Variants in SEC24D observed in about 807,000 individuals in gnomAD.
SEC24D encodes SEC24 homolog D, COPII component.
SEC24D carries 69 observed loss-of-function variants against 116.9 expected under a neutral mutation model. The ratio of observed to expected loss-of-function variants is 0.59; its 90% CI spans 0.49 to 0.72. The LOEUF is 0.72. SEC24D is among the 30% of genes least tolerant of loss of function. The pLI is 0.00. For synonymous variants in SEC24D, 405 were observed against 442.8 expected (o/e 0.91, Z 1.07); for missense variants, 1,131 against 1,264.1 (o/e 0.89, Z 1.60).
chr4:118,779,534 T>C lies in SEC24D; in HGVS notation c.1042-11223A>G, dbSNP rs541160978. Among the ~76,000 whole-genome samples the C allele has an allele frequency of 1.0e-3, 158 of 152,330 alleles. 1 individual carries two copies. The highest frequency in any genetic ancestry group is 3.4e-3 in the Middle Eastern group (1 of 294). ...ATTTTACTGAGGATTTTTGCATCGATGTTCATCAGGGATATTGGTCTAAAA... is the reference window on the plus strand; with the variant it reads ...ATTTTACTGAGGATTTTTGCATCGACGTTCATCAGGGATATTGGTCTAAAA... On this transcript the variant is annotated intron_variant, in intron 8 of 22. Coordinates refer to ENST00000280551, the MANE Select transcript of SEC24D (RefSeq NM_014822.4).
At chr4:118,743,008 G>A (rs138854728) in intron 15 of SEC24D, among the ~76,000 whole-genome samples, 21 of 152,110 alleles carry the variant, frequency 1.4e-4, no homozygotes, top group Admixed American at 5.2e-4. Flanking sequence ...GTGCCGGGGC[G>A]CATAAGTTTG....
At chr4:118,757,610 A>C in intron 11 of SEC24D, 111 bp downstream of exon 11, 2 of 862,336 alleles carry the variant, frequency 2.3e-6, no homozygotes, top group Non-Finnish European at 3.6e-6. Context: ...CTAATTACCC[A>C]GTGTCCTCAT....
chr4:118,831,935 G>A (rs1730876685), intron 2 of SEC24D, among the ~76,000 whole-genome samples: 1 of 152,166 alleles, frequency 6.6e-6, no homozygotes, highest in South Asian at 2.1e-4. Flanking sequence ...GGGCACAATG[G>A]CTCACACCTA....
intron 22 of SEC24D, among the ~76,000 whole-genome samples, chr4:118,727,608 T>C (rs899920086): frequency 1.2e-4 from 18 of 151,878 alleles, no homozygotes; most frequent in Middle Eastern, 3.4e-3. Flanking sequence ...ACTCAAGATT[T>C]GGTTACATGT....
chr4:118,734,806 T>C (rs562000558), intron 19 of SEC24D, among the ~76,000 whole-genome samples: 2 of 152,304 alleles, frequency 1.3e-5, no homozygotes, highest in South Asian at 4.1e-4. Flanking sequence ...TAGAACACTC[T>C]CTTCTAATTT....
Position 118,764,822 on chromosome 4 carries a change from C to A in SEC24D, c.1276G>T (p.Ala426Ser). ...ELSLGSYEYV[A>S]TLDYCRKSKP... is the part of the protein sequence containing the mutation. ...CTTACTCTGCAATAATCCAAAGTGG[C>A]AACATATTCATAAGATCCTAGAGAT... is the stretch of plus-strand genomic sequence containing the variant. The change falls in exon 10 of 23, where the codon GCC (alanine) becomes TCC (serine). Residue 426 changes from alanine to serine, a missense_variant. Physicochemically the swap from Ala to Ser is moderately conservative, Grantham distance 99 (BLOSUM62 1). Transcript: ENST00000280551. The A allele has an allele frequency of 6.3e-7, 1 of 1,596,870 alleles. No homozygotes were observed. Among genetic ancestry groups the A allele is most frequent in the Non-Finnish European group, 8.6e-7 (1 of 1,164,960 alleles).
intron 6 of SEC24D, among the ~76,000 whole-genome samples, chr4:118,809,254 G>A (rs866057439): frequency 1.3e-5 from 2 of 152,032 alleles, no homozygotes; most frequent in Admixed American, 6.6e-5. Context: ...TTACAGGTGT[G>A]AGCCACCTCA....
intron 1 of SEC24D, among the ~76,000 whole-genome samples, chr4:118,835,693 T>A (rs115573749): frequency 0.041 from 6,184 of 152,230 alleles, 196 homozygotes; most frequent in Non-Finnish European, 0.064. Flanking sequence ...AGTTCCTGCA[T>A]CCCAAGGCAA....
At chr4:118,783,716 A>G (rs780223068) in intron 8 of SEC24D, among the ~76,000 whole-genome samples, 11 of 152,240 alleles carry the variant, frequency 7.2e-5, no homozygotes, top group Non-Finnish European at 1.5e-4. Context: ...AAGTATAAAT[A>G]CAAGTATAAA....
At chr4:118,793,024 G>A (rs2389689) in intron 8 of SEC24D, among the ~76,000 whole-genome samples, 92,702 of 152,052 alleles carry the variant, frequency 0.61, 30,666 homozygotes, top group Non-Finnish European at 0.72. Flanking sequence ...GTATCTAAGG[G>A]GAGTGGAAAG....
In SEC24D at chr4:118,745,164, C is replaced by G. The variant is rs893346704; in HGVS notation, c.1708-104G>C. The G allele has an allele frequency of 1.6e-5, 11 of 675,400 alleles. No homozygotes were observed. In the African/African-American group the frequency reaches 1.8e-4, roughly 11 times the overall value. 41.8% of individuals were successfully genotyped at this position (675,400 alleles called of 1,614,324 possible). ...ATAAGTTCTTTCTATGAGCTAAGCA[C>G]TATATTCATTTAATTTAATCCTCAT... On this transcript the variant is annotated intron_variant, in intron 13 of 22. Transcript: ENST00000280551.
At chr4:118,754,760 G>T (rs963299273) in intron 11 of SEC24D, among the ~76,000 whole-genome samples, 11 of 152,084 alleles carry the variant, frequency 7.2e-5, no homozygotes, top group African/African-American at 2.7e-4. Flanking sequence ...ACCATGGATT[G>T]AGCTAACACT....
chr4:118,820,176 AATTTT>A (rs1730336747), intron 3 of SEC24D, among the ~76,000 whole-genome samples: 1 of 150,394 alleles, frequency 6.6e-6, no homozygotes. Context: ...AAATTAGTTT[AATTTT>A]TTTTTTTTTT....
intron 4 of SEC24D, among the ~76,000 whole-genome samples, chr4:118,816,393 C>A (rs867957522): frequency 6.6e-6 from 1 of 152,116 alleles, no homozygotes; most frequent in Admixed American, 6.5e-5. Flanking sequence ...ACATAACAAG[C>A]ATTACTCAGG....
intron 13 of SEC24D, among the ~76,000 whole-genome samples, chr4:118,747,502 G>A (rs1726598479): frequency 6.6e-6 from 1 of 152,022 alleles, no homozygotes; most frequent in Admixed American, 6.5e-5. Context: ...CCAACCTCAG[G>A]TGATCCGCCC....
intron 8 of SEC24D, among the ~76,000 whole-genome samples, chr4:118,791,966 C>T (rs1578439993): frequency 6.6e-6 from 1 of 151,848 alleles, no homozygotes; most frequent in African/African-American, 2.4e-5. Flanking sequence ...AAGTGAGGAG[C>T]GTCTCTGCCT....
chr4:118,817,224 A>G, intron 4 of SEC24D, 40 bp downstream of exon 4: 1 of 1,538,544 alleles, frequency 6.5e-7, no homozygotes, highest in Non-Finnish European at 8.8e-7. Flanking sequence ...AATGACCAGG[A>G]CACAAGGCAG....
chr4:118,795,183 G>A (rs7670182), intron 8 of SEC24D, among the ~76,000 whole-genome samples: 41,301 of 151,402 alleles, frequency 0.27, 6,239 homozygotes, highest in Non-Finnish European at 0.34. Flanking sequence ...ATAGATACCT[G>A]CATACAAAGT....
intron 3 of SEC24D, among the ~76,000 whole-genome samples, chr4:118,820,460 T>A (rs1172413485): frequency 6.6e-6 from 1 of 152,218 alleles, no homozygotes; most frequent in Non-Finnish European, 1.5e-5. Flanking sequence ...ATTACAGGCA[T>A]GAGCCACCGC....
Sources: allele counts gnomAD v4.1 joint callset (sites outside exome capture counted in the v4.1 genomes callset), GRCh38; gene constraint gnomAD v4.1.1; transcripts MANE v1.5; gene names NCBI Gene and HGNC (gene_info 2026-07-23, HGNC 2026-07-21).